Variants in DUSP13B observed in about 807,000 individuals in gnomAD.
The protein encoded by DUSP13B is dual specificity phosphatase 13B, also known as dual specificity protein phosphatase 13B.
At chr10:75,104,523 C>T in the DUSP13B span, among the ~76,000 whole-genome samples, 1 of 152,162 alleles carries the variant, frequency 6.6e-6, no homozygotes, top group Non-Finnish European at 1.5e-5. Context: ...AGGCCCCAGG[C>T]TGAGGGAGAA....
the DUSP13B span, chr10:75,099,581 G>T: frequency 8.1e-7 from 1 of 1,230,324 alleles, no homozygotes; most frequent in Admixed American, 4.2e-5. Context: ...TGGGGGGTGG[G>T]GCCTGAGAGC....
the DUSP13B span, among the ~76,000 whole-genome samples, chr10:75,106,153 G>A: frequency 6.8e-6 from 1 of 146,738 alleles, no homozygotes; most frequent in African/African-American, 2.5e-5. Flanking sequence ...TGTTGCCCAG[G>A]CTGGTCTTGA....
At chr10:75,097,712 G>T in the DUSP13B span, 149 of 1,566,140 alleles carry the variant, frequency 9.5e-5, no homozygotes, top group African/African-American at 1.8e-3. Flanking sequence ...TCTTACTCAC[G>T]CATCTCCCAG....
At chr10:75,099,583 C>A in the DUSP13B span, 1 of 1,229,318 alleles carries the variant, frequency 8.1e-7, no homozygotes, top group Non-Finnish European at 1.0e-6. Flanking sequence ...GGGGGTGGGG[C>A]CTGAGAGCCG....
At chr10:75,101,853 G>A in the DUSP13B span, 4 of 1,364,748 alleles carry the variant, frequency 2.9e-6, no homozygotes, top group Admixed American at 3.8e-5. Flanking sequence ...CCCAAATTAG[G>A]AGCACTCACC....
At chr10:75,094,582 A>T in the DUSP13B span, 7 of 1,413,112 alleles carry the variant, frequency 5.0e-6, no homozygotes, top group Non-Finnish European at 5.8e-6. Context: ...TGCTGTTTAC[A>T]TCTCAGGGTC....
At chr10:75,105,501 GCAGTTTGGAGAGAGGGC>G in the DUSP13B span, among the ~76,000 whole-genome samples, 1 of 152,208 alleles carries the variant, frequency 6.6e-6, no homozygotes, top group East Asian at 1.9e-4. Context: ...AGGGAACCCA[GCAGTTTGGAGAGAGGGC>G]CAGGCCCCCT....
the DUSP13B span, among the ~76,000 whole-genome samples, chr10:75,096,163 G>A: frequency 2.0e-5 from 3 of 152,116 alleles, no homozygotes; most frequent in Non-Finnish European, 4.4e-5. Flanking sequence ...ACTGAGTCAG[G>A]AGAATCACTT....
the DUSP13B span, chr10:75,108,048 C>A: frequency 6.2e-7 from 1 of 1,613,890 alleles, no homozygotes; most frequent in Non-Finnish European, 8.5e-7. Flanking sequence ...GAAGTAGGCA[C>A]TGATGTCAAA....
chr10:75,094,982 T>A, the DUSP13B span: 1 of 1,014,828 alleles, frequency 9.9e-7, no homozygotes, highest in South Asian at 1.6e-5. Context: ...CCTGGAATAC[T>A]GACACTGTCT....
At chr10:75,107,167 C>T in the DUSP13B span, among the ~76,000 whole-genome samples, 1 of 152,120 alleles carries the variant, frequency 6.6e-6, no homozygotes, top group East Asian at 1.9e-4. Context: ...GAAACCCTGT[C>T]TCTGCTAAAA....
the DUSP13B span, among the ~76,000 whole-genome samples, chr10:75,104,573 G>T: frequency 6.6e-6 from 1 of 152,158 alleles, no homozygotes; most frequent in South Asian, 2.1e-4. Context: ...GCTCCGCCAG[G>T]TTCCTGGGTC....
the DUSP13B span, chr10:75,095,899 G>C: frequency 9.1e-7 from 1 of 1,097,938 alleles, no homozygotes; most frequent in Non-Finnish European, 1.3e-6. Context: ...CACCCACCAA[G>C]GGTAGAGACA....
the DUSP13B span, chr10:75,097,948 G>A: frequency 3.4e-6 from 5 of 1,455,420 alleles, no homozygotes; most frequent in Non-Finnish European, 4.6e-6. Flanking sequence ...TCCAGCTGAT[G>A]GGGAAGCCCA....
chr10:75,103,933 CGCCAGGAGGA>C, the DUSP13B span: 1 of 1,317,656 alleles, frequency 7.6e-7, no homozygotes. Flanking sequence ...GGGGTGTAGG[CGCCAGGAGGA>C]GCCAGATGGA....
the DUSP13B span, among the ~76,000 whole-genome samples, chr10:75,107,659 C>T: frequency 6.6e-6 from 1 of 152,042 alleles, no homozygotes; most frequent in African/African-American, 2.4e-5. Context: ...TCACTGCAAC[C>T]TCCGCCCCCC....
chr10:75,106,499 C>A, the DUSP13B span, among the ~76,000 whole-genome samples: 77 of 152,284 alleles, frequency 5.1e-4, 1 homozygote, highest in South Asian at 7.3e-3. Flanking sequence ...CTTGACCGCT[C>A]AAAGTATTGC....
chr10:75,094,943 G>A, the DUSP13B span: 3 of 1,464,700 alleles, frequency 2.0e-6, no homozygotes, highest in South Asian at 2.4e-5. Flanking sequence ...TTGGGAAGAA[G>A]AGACACCCAT....
chr10:75,103,414 C>G, the DUSP13B span, among the ~76,000 whole-genome samples: 4 of 152,170 alleles, frequency 2.6e-5, no homozygotes, highest in African/African-American at 9.7e-5. Context: ...GTGTCCAGGG[C>G]CACTCCCACC....
Sources: allele counts gnomAD v4.1 joint callset (sites outside exome capture counted in the v4.1 genomes callset), GRCh38; gene constraint gnomAD v4.1.1; transcripts MANE v1.5; gene names NCBI Gene and HGNC (gene_info 2026-07-23, HGNC 2026-07-21).